The following TRIM25 variants were observed in gnomAD, a reference collection of about 807,000 sequenced individuals.
The protein encoded by TRIM25 is tripartite motif containing 25, also known as E3 ubiquitin/ISG15 ligase TRIM25.
In TRIM25, 45 loss-of-function variants were observed where a neutral mutation model predicts 65.2. The observed-to-expected ratio is 0.69, with a 90% CI of 0.54 to 0.89. TRIM25 has a LOEUF of 0.89. Among genes scored for constraint, TRIM25 ranks in the 40% least tolerant of loss-of-function variants. TRIM25 has a pLI of 0.00. For synonymous variants in TRIM25, 321 were observed against 340.4 expected (o/e 0.94, Z 0.63); for missense variants, 714 against 803.7 (o/e 0.89, Z 1.35).
chr17:56,912,578 G>T (rs1325225147), intron 1 of TRIM25, among the ~76,000 whole-genome samples: 1 of 152,158 alleles, frequency 6.6e-6, no homozygotes, highest in African/African-American at 2.4e-5. Flanking sequence ...TGGACTGTTT[G>T]GTGCTCCGGA....
At position 56,888,173 on chromosome 17, in the gene TRIM25, C is replaced by G. The variant is rs192585764; in HGVS notation, c.*3527G>C. The G allele has an allele frequency of 6.6e-6, 1 of 152,278 alleles. No individual in the cohort carries two copies. The highest frequency in any genetic ancestry group is 1.5e-5 in the Non-Finnish European group (1 of 68,096). 9.4% of individuals were successfully genotyped at this position (152,278 alleles called of 1,614,324 possible). A position where few individuals can be genotyped will look rare whatever the true frequency, so the allele number is the denominator to read the frequency against. On this transcript the variant is annotated 3_prime_UTR_variant, in exon 9 of 9. Coordinates refer to ENST00000316881, the MANE Select transcript of TRIM25 (RefSeq NM_005082.5). ...TGATTAAACTCAGCCTCCAGTCCCCCGCCCCATAGGTCAGGCTGACTCAAA... is the reference window on the plus strand; with the variant it reads ...TGATTAAACTCAGCCTCCAGTCCCCGGCCCCATAGGTCAGGCTGACTCAAA...
Position 56,889,454 on chromosome 17 carries a change from T to C in TRIM25, c.*2246A>G. 1 of 289,206 alleles carries C rather than the reference T, an allele frequency of 3.5e-6. No individual in the cohort carries two copies. Among genetic ancestry groups the C allele is most frequent in the East Asian group, 5.6e-5 (1 of 17,856 alleles). 17.9% of individuals were successfully genotyped at this position (289,206 alleles called of 1,614,324 possible). On this transcript the variant is annotated 3_prime_UTR_variant, in exon 9 of 9. Coordinates refer to ENST00000316881, the MANE Select transcript of TRIM25 (RefSeq NM_005082.5). ...ACAAAGGTTCCTCCAACTCTAGGAC[T>C]CCAGGGTTGTGTGGCGGCCCTGCAA...
At chr17:56,897,684 A>C (rs1449671622) in intron 5 of TRIM25, among the ~76,000 whole-genome samples, 1 of 152,136 alleles carries the variant, frequency 6.6e-6, no homozygotes, top group East Asian at 1.9e-4. Flanking sequence ...CCAGGGTGTC[A>C]TTCTGCTGTG....
chr17:56,913,145 A>G lies in TRIM25; in HGVS notation c.597+247T>C. ...AGAGGGACGAGACCCTGTCTCAAAA[A>G]AATAAAAATAAACACCATCAGACAA... On this transcript the variant is annotated intron_variant, in intron 1 of 8. Transcript: ENST00000316881. The surrounding 1 kb of genome is among the most constrained non-coding windows in gnomAD (Gnocchi z 6.1). The G allele has an allele frequency of 2.6e-6, 1 of 378,746 alleles. No homozygotes were observed. Among genetic ancestry groups the G allele is most frequent in the Admixed American group, 4.5e-5 (1 of 22,012 alleles). The allele number at this position is 378,746 out of a possible 1,614,324, so 23.5% of individuals were successfully genotyped here.
intron 8 of TRIM25, 25 bp downstream of exon 8, chr17:56,895,318 G>A (rs746733101): frequency 2.2e-5 from 35 of 1,594,222 alleles, no homozygotes; most frequent in East Asian, 2.0e-4. Context: ...CAGTGGAACC[G>A]CGCACCAGCC....
intron 8 of TRIM25, among the ~76,000 whole-genome samples, chr17:56,892,538 C>CT (rs1302270150): frequency 6.6e-6 from 1 of 152,134 alleles, no homozygotes; most frequent in Admixed American, 6.5e-5. Flanking sequence ...TCTATCCATC[C>CT]TTCTGCCTTT....
chr17:56,904,594 T>C, intron 2 of TRIM25, 106 bp from the exon 3 acceptor site: 1 of 1,035,898 alleles, frequency 9.7e-7, no homozygotes, highest in Non-Finnish European at 1.4e-6. Flanking sequence ...TTACCTGTAC[T>C]TTGTGGGAGA....
chr17:56,893,982 C>A (rs1909236237), intron 8 of TRIM25, among the ~76,000 whole-genome samples: 1 of 152,156 alleles, frequency 6.6e-6, no homozygotes, highest in Non-Finnish European at 1.5e-5. Flanking sequence ...CACATTGCAA[C>A]CCTGGGCAGC....
intron 5 of TRIM25, among the ~76,000 whole-genome samples, chr17:56,897,200 G>A (rs576186502): frequency 1.3e-5 from 2 of 152,192 alleles, no homozygotes; most frequent in Non-Finnish European, 2.9e-5. Flanking sequence ...AATCTGTGAT[G>A]TACAAGCCCT....
chr17:56,901,279 G>A, intron 4 of TRIM25, 140 bp downstream of exon 4: 1 of 947,758 alleles, frequency 1.1e-6, no homozygotes, highest in Non-Finnish European at 1.6e-6. Flanking sequence ...CCTCCAGACA[G>A]AGGGCGGATG....
Position 56,908,409 on chromosome 17 carries a change from G to T in TRIM25, c.693+59C>A, listed in dbSNP as rs758513202. 5.8e-6 allele frequency: 9 copies of T among 1,543,688 alleles called. No homozygotes were observed. The East Asian group carries it at 1.3e-4, about 23-fold the overall frequency. ...TCATGGTCAGAGCCACGCCCATCCC[G>T]CGTGGAAGCTGAGCGAAGCCACAGG... On this transcript the variant is annotated intron_variant, in intron 2 of 8. Coordinates refer to ENST00000316881, the MANE Select transcript of TRIM25 (RefSeq NM_005082.5).
intron 1 of TRIM25, 147 bp from the exon 2 acceptor site, chr17:56,908,710 G>T (rs754953032): frequency 6.1e-5 from 44 of 721,408 alleles, no homozygotes; most frequent in Non-Finnish European, 9.0e-5. Context: ...CCCGAGTCTT[G>T]CCTGCTTGGA....
At position 56,913,210 on chromosome 17, in the gene TRIM25, A is replaced by T. The variant is rs1909663175; in HGVS notation, c.597+182T>A. 1 of 465,638 alleles carries T rather than the reference A, an allele frequency of 2.1e-6. No homozygotes were observed. Among genetic ancestry groups the T allele is most frequent in the East Asian group, 3.4e-5 (1 of 28,992 alleles). 28.8% of individuals were successfully genotyped at this position (465,638 alleles called of 1,614,324 possible). A position where few individuals can be genotyped will look rare whatever the true frequency, so the allele number is the denominator to read the frequency against. ...CAAGCAACCTAACCTGTCTTCATGG[A>T]TGATGGGAAGGGACTATATAATCTC... On this transcript the variant is annotated intron_variant, in intron 1 of 8. Transcript: ENST00000316881. The surrounding 1 kb of genome is among the most constrained non-coding windows in gnomAD (Gnocchi z 6.1).
intron 8 of TRIM25, among the ~76,000 whole-genome samples, chr17:56,894,837 C>G (rs924509781): frequency 6.6e-6 from 1 of 152,118 alleles, no homozygotes; most frequent in Non-Finnish European, 1.5e-5. Flanking sequence ...GATGCAGATG[C>G]GATGTCAATA....
At chr17:56,911,348 G>A (rs531983459) in intron 1 of TRIM25, among the ~76,000 whole-genome samples, 10 of 152,214 alleles carry the variant, frequency 6.6e-5, no homozygotes, top group Admixed American at 1.3e-4. Flanking sequence ...TTGGGAGGCC[G>A]AGGCGGGTGG....
chr17:56,908,722 C>T, intron 1 of TRIM25, 159 bp from the exon 2 acceptor site: 1 of 666,650 alleles, frequency 1.5e-6, no homozygotes, highest in Non-Finnish European at 2.6e-6. Context: ...CTGCTTGGAG[C>T]TTTTTGAAGC....
chr17:56,895,435 G>A lies in TRIM25; in HGVS notation c.1271C>T (p.Ala424Val), dbSNP rs140644622. The change falls in exon 8 of 9, where the codon GCC becomes GTC. Residue 424 changes from alanine to valine, a missense_variant. Coordinates refer to ENST00000316881, the MANE Select transcript of TRIM25 (RefSeq NM_005082.5). The stretch of plus-strand genomic sequence containing the variant: ...GTTCGGATGTGAGCTGGTGGCTTTG[G>A]CTGCAGCTGGGAGAGGAAACAGAGA... ...DLKQAGLEAA[A>V]KATSSHPNST... 8 of 1,613,898 alleles carry A rather than the reference G, an allele frequency of 5.0e-6. No homozygotes were observed. In the African/African-American group the frequency reaches 6.7e-5, roughly 13 times the overall value.
In TRIM25 at chr17:56,902,386, G is replaced by A. The variant is rs552665677; in HGVS notation, c.928-808C>T. ...CAGATTGGCAGGAGGATGAATGGGG[G>A]TAATAAGAGATGGGCTTACAGTCAA... On this transcript the variant is annotated intron_variant, in intron 3 of 8. Transcript: ENST00000316881. Among the ~76,000 whole-genome samples the A allele has an allele frequency of 2.0e-5, 3 of 152,326 alleles. No individual in the cohort carries two copies. The South Asian group carries it at 6.2e-4, about 32-fold the overall frequency.
Position 56,891,866 on chromosome 17 carries a change from C to T in TRIM25, c.1727G>A (p.Arg576Gln), listed in dbSNP as rs760096757. 3.7e-6 allele frequency: 6 copies of T among 1,614,240 alleles called. No homozygotes were observed. The highest frequency in any genetic ancestry group is 1.1e-5 in the South Asian group (1 of 91,088). ...GTCACAGTTGAGAAGCACGCCCACC[C>T]GCGTGGCCTTGGTGGAGGGCAGGGT... is the stretch of plus-strand genomic sequence containing the variant. ...EKTLPSTKAT[R>Q]VGVLLNCDHG... The change falls in exon 9 of 9, where the codon CGG becomes CAG. Residue 576 changes from arginine to glutamine, a missense_variant. By Grantham distance (43) the Arg-to-Gln change is conservative. Coordinates refer to ENST00000316881, the MANE Select transcript of TRIM25 (RefSeq NM_005082.5).
Sources: gnomAD v4.1 joint callset for allele counts (sites outside exome capture counted in the v4.1 genomes callset) on GRCh38, gnomAD v4.1.1 for gene constraint, Gnocchi (gnomAD v3.1) non-coding constraint, MANE v1.5 for transcripts, NCBI Gene and HGNC (gene_info 2026-07-23, HGNC 2026-07-21) for gene names.